The following GPR137B variants were observed in gnomAD, a reference collection of about 807,000 sequenced individuals.
The protein encoded by GPR137B is G protein-coupled receptor 137B.
Under a neutral mutation model 42.5 loss-of-function variants are expected in GPR137B, and 42 were observed. The observed-to-expected ratio is 0.99, with a 90% CI of 0.77 to 1.28. The LOEUF is 1.28. Among genes scored for constraint, GPR137B ranks in the 50% most tolerant of loss-of-function variants. The pLI, the probability that GPR137B is intolerant of heterozygous loss-of-function variation, is 0.00. For missense variants in GPR137B, 487 were observed against 493.9 expected, an observed-to-expected ratio of 0.99 and a Z score of 0.13; for synonymous variants, 218 against 209.7, an observed-to-expected ratio of 1.04 and a Z score of -0.34.
rs1205695262 is a variant in GPR137B at position 236,150,211 on chromosome 1, CTGTGCCTGTG to C, written c.414+7187_414+7196del. ...TGTGTCTGTGTGCCTGTGTGTGTGT[CTGTGCCTGTG>C]TGTGCCTGTGTATGTCTGTGCCCGT... On this transcript the variant is annotated intron_variant, in intron 1 of 6. Transcript: ENST00000366592. This position sits in a 1 kb window ranked among gnomAD's most constrained non-coding sequence, Gnocchi z 6.2. Among the ~76,000 whole-genome samples, 6 of 136,812 alleles carry C rather than the reference CTGTGCCTGTG, an allele frequency of 4.4e-5. No individual in the cohort carries two copies. In the South Asian group the frequency reaches 7.2e-4, roughly 16 times the overall value. 89.8% of individuals were successfully genotyped at this position (136,812 alleles called of 152,430 possible). A position where few individuals can be genotyped will look rare whatever the true frequency, so the allele number is the denominator to read the frequency against.
intron 1 of GPR137B, among the ~76,000 whole-genome samples, chr1:236,158,280 C>A (rs951580065): frequency 3.3e-5 from 5 of 152,150 alleles, no homozygotes; most frequent in Non-Finnish European, 5.9e-5. Flanking sequence ...CAAAGATTTG[C>A]CGGGTGTGGT....
chr1:236,208,479 T>TTGA lies in GPR137B; in HGVS notation c.*321_*322insTGA. The TTGA allele has an allele frequency of 1.1e-6, 1 of 887,654 alleles. No homozygotes were observed. Among genetic ancestry groups the TTGA allele is most frequent in the Non-Finnish European group, 1.4e-6 (1 of 721,212 alleles). The allele number at this position is 887,654 out of a possible 1,614,324, so 55.0% of individuals were successfully genotyped here. A position where few individuals can be genotyped will look rare whatever the true frequency, so the allele number is the denominator to read the frequency against. Reference sequence around the variant, plus strand: ...GGTTTTTTTTTCTTGAGAATGTTACTGCAATCATGTTGTAGTTTGCACAGA... The same window carrying TTGA: ...GGTTTTTTTTTCTTGAGAATGTTACTTGAGCAATCATGTTGTAGTTTGCACAGA... On this transcript the variant is annotated 3_prime_UTR_variant, in exon 7 of 7. Coordinates refer to ENST00000366592, the MANE Select transcript of GPR137B (RefSeq NM_003272.4).
chr1:236,198,971 G>T (rs1254318306), intron 5 of GPR137B, among the ~76,000 whole-genome samples: 5 of 152,088 alleles, frequency 3.3e-5, no homozygotes, highest in Non-Finnish European at 7.4e-5. Context: ...TCCTTGTCTT[G>T]TTCCATTTCT....
intron 5 of GPR137B, among the ~76,000 whole-genome samples, chr1:236,202,240 G>A (rs1005510429): frequency 2.6e-5 from 4 of 152,066 alleles, no homozygotes; most frequent in Non-Finnish European, 5.9e-5. Flanking sequence ...TAGCAATGAA[G>A]TTGCCACCAT....
Position 236,155,765 on chromosome 1 carries a change from A to G in GPR137B, c.414+12729A>G, listed in dbSNP as rs1662005630. Among the ~76,000 whole-genome samples, 1 of 152,154 alleles carries G rather than the reference A, an allele frequency of 6.6e-6. No homozygotes were observed. Among genetic ancestry groups the G allele is most frequent in the Non-Finnish European group, 1.5e-5 (1 of 68,012 alleles). On this transcript the variant is annotated intron_variant, in intron 1 of 6. Transcript: ENST00000366592. This position sits in a 1 kb window ranked among gnomAD's most constrained non-coding sequence, Gnocchi z 4.6. ...GAGAGCTGAGCTGCTGGGAACAGGA[A>G]GGAGAAGAGGAGCTGTTGGGAAGGG...
At chr1:236,159,391 C>T (rs1028070819) in intron 1 of GPR137B, among the ~76,000 whole-genome samples, 1 of 151,920 alleles carries the variant, frequency 6.6e-6, no homozygotes, top group East Asian at 1.9e-4. Flanking sequence ...ATAGGCTTGG[C>T]GGGGTGGCTC....
At chr1:236,185,020 G>A (rs962763302) in intron 5 of GPR137B, among the ~76,000 whole-genome samples, 1 of 152,186 alleles carries the variant, frequency 6.6e-6, no homozygotes, top group African/African-American at 2.4e-5. Flanking sequence ...GACCGCCTCA[G>A]CCTCCCAAAG....
chr1:236,180,220 C>A, intron 4 of GPR137B, 192 bp downstream of exon 4: 1 of 557,172 alleles, frequency 1.8e-6, no homozygotes, highest in Non-Finnish European at 3.3e-6. Flanking sequence ...ATTTACAATA[C>A]CAAATACAAC....
At chr1:236,197,362 C>T (rs1208419344) in intron 5 of GPR137B, among the ~76,000 whole-genome samples, 1 of 152,126 alleles carries the variant, frequency 6.6e-6, no homozygotes, top group Non-Finnish European at 1.5e-5. Flanking sequence ...TGATTATTTC[C>T]TTTGCTGTAC....
At chr1:236,195,801 C>A (rs1239363117) in intron 5 of GPR137B, among the ~76,000 whole-genome samples, 1 of 152,156 alleles carries the variant, frequency 6.6e-6, no homozygotes, top group Non-Finnish European at 1.5e-5. Context: ...ATTATAACTG[C>A]AGTGAGGTAA....
chr1:236,197,446 C>T (rs1411899439), intron 5 of GPR137B, among the ~76,000 whole-genome samples: 1 of 152,140 alleles, frequency 6.6e-6, no homozygotes, highest in Non-Finnish European at 1.5e-5. Flanking sequence ...GATTCTTGGT[C>T]ATGATCTCTT....
Position 236,198,105 on chromosome 1 carries a change from C to G in GPR137B, c.967-7021C>G, listed in dbSNP as rs1193249490. ...AGTTGGAAGCTGGGTAATGTGATACCTCCAGATTTGTTCTTTTTGCTTAGT... is the reference window on the plus strand; with the variant it reads ...AGTTGGAAGCTGGGTAATGTGATACGTCCAGATTTGTTCTTTTTGCTTAGT... On this transcript the variant is annotated intron_variant, in intron 5 of 6. Transcript: ENST00000366592. Among the ~76,000 whole-genome samples the G allele has an allele frequency of 2.0e-5, 3 of 152,126 alleles. No homozygotes were observed. The East Asian group carries it at 5.8e-4, about 29-fold the overall frequency.
intron 5 of GPR137B, among the ~76,000 whole-genome samples, chr1:236,187,503 T>C (rs1248727744): frequency 6.6e-6 from 1 of 152,178 alleles, no homozygotes; most frequent in Non-Finnish European, 1.5e-5. Context: ...GAGTTAACTT[T>C]TGTATAAGGT....
In GPR137B at chr1:236,156,311, C is replaced by G. The variant is rs1662026671; in HGVS notation, c.415-12395C>G. Among the ~76,000 whole-genome samples the G allele has an allele frequency of 6.6e-6, 1 of 152,210 alleles. No homozygotes were observed. Among genetic ancestry groups the G allele is most frequent in the South Asian group, 2.1e-4 (1 of 4,830 alleles). On this transcript the variant is annotated intron_variant, in intron 1 of 6. Coordinates refer to ENST00000366592, the MANE Select transcript of GPR137B (RefSeq NM_003272.4). The surrounding 1 kb of genome is among the most constrained non-coding windows in gnomAD (Gnocchi z 4.8). ...CTGACCATGTATTCCAGTGACCCCT[C>G]TCACACCTGGCCAGCCTGGGACACA...
intron 1 of GPR137B, among the ~76,000 whole-genome samples, chr1:236,167,572 A>G (rs1662398790): frequency 6.6e-6 from 1 of 152,192 alleles, no homozygotes; most frequent in Admixed American, 6.5e-5. Context: ...ACTTGCCGGA[A>G]TGGGCGTCTT....
intron 5 of GPR137B, among the ~76,000 whole-genome samples, chr1:236,200,665 GCTTA>G (rs1055361199): frequency 5.9e-5 from 9 of 152,030 alleles, no homozygotes; most frequent in African/African-American, 1.9e-4. Flanking sequence ...AGCTACTCCT[GCTTA>G]CTTTTTGTTT....
chr1:236,181,987 G>C (rs1662897571), intron 4 of GPR137B, among the ~76,000 whole-genome samples: 1 of 147,820 alleles, frequency 6.8e-6, no homozygotes, highest in Non-Finnish European at 1.5e-5. Context: ...CCGCCTCCCG[G>C]GTTCAAGCGA....
At chr1:236,191,334 T>C (rs1426329717) in intron 5 of GPR137B, among the ~76,000 whole-genome samples, 1 of 152,232 alleles carries the variant, frequency 6.6e-6, no homozygotes, top group East Asian at 1.9e-4. Context: ...TTCTGAAGCG[T>C]ACTTCTGTCA....
intron 3 of GPR137B, among the ~76,000 whole-genome samples, chr1:236,178,988 G>A (rs372239383): frequency 1.1e-4 from 16 of 151,278 alleles, no homozygotes; most frequent in African/African-American, 3.4e-4. Context: ...TAGTAGAGAC[G>A]GGGTTTCACT....
Sources: gnomAD v4.1 joint callset for allele counts (sites outside exome capture counted in the v4.1 genomes callset) on GRCh38, gnomAD v4.1.1 for gene constraint, Gnocchi (gnomAD v3.1) non-coding constraint, MANE v1.5 for transcripts, NCBI Gene and HGNC (gene_info 2026-07-23, HGNC 2026-07-21) for gene names.